SORCS3: variants seen among roughly 807,000 people sequenced by gnomAD.
SORCS3 encodes sortilin related VPS10 domain containing receptor 3.
Under a neutral mutation model 146.3 loss-of-function variants are expected in SORCS3, and 57 were observed. The observed-to-expected ratio is 0.39, with a 90% confidence interval of 0.31 to 0.49. The LOEUF is 0.49. SORCS3 is among the 20% of genes least tolerant of loss of function. The pLI is 0.92. For missense variants in SORCS3, 1,341 were observed against 1,575.5 expected, an observed-to-expected ratio of 0.85 and a Z score of 2.52; for synonymous variants, 653 against 618.5, an observed-to-expected ratio of 1.06 and a Z score of -0.83.
At chr10:104,799,570 A>C (rs1360608896) in intron 1 of SORCS3, among the ~76,000 whole-genome samples, 1 of 152,120 alleles carries the variant, frequency 6.6e-6, no homozygotes, top group Non-Finnish European at 1.5e-5. Context: ...GGGAGGGATA[A>C]CATCAGGAGA....
chr10:105,200,142 C>A, intron 15 of SORCS3, 26 bp downstream of exon 15: 1 of 1,577,926 alleles, frequency 6.3e-7, no homozygotes, highest in South Asian at 1.1e-5. Flanking sequence ...AGTTGGAGTG[C>A]TGGCTTTGAG....
chr10:105,050,427 T>C (rs2133710147), intron 5 of SORCS3, among the ~76,000 whole-genome samples: 1 of 152,204 alleles, frequency 6.6e-6, no homozygotes, highest in South Asian at 2.1e-4. Context: ...GAGAGCCCCA[T>C]GTGTCAAGGA....
chr10:105,207,304 T>TATTATTATTA (rs1564784890), intron 16 of SORCS3, among the ~76,000 whole-genome samples: 1 of 150,978 alleles, frequency 6.6e-6, no homozygotes, highest in Admixed American at 6.6e-5. Context: ...TTATTATTAT[T>TATTATTATTA]TCTAAACTGT....
intron 14 of SORCS3, 32 bp from the exon 15 acceptor site, chr10:105,199,967 T>C: frequency 1.3e-6 from 2 of 1,526,330 alleles, no homozygotes; most frequent in African/African-American, 2.7e-5. Flanking sequence ...CTTTCTCCCC[T>C]TGTGTCTCCC....
intron 1 of SORCS3, among the ~76,000 whole-genome samples, chr10:104,669,964 C>G (rs1460268269): frequency 6.6e-6 from 1 of 151,774 alleles, no homozygotes; most frequent in African/African-American, 2.4e-5. Context: ...TTTTATTTCT[C>G]TAATGATTAG....
At chr10:105,226,592 C>T (rs1434954178) in intron 20 of SORCS3, among the ~76,000 whole-genome samples, 1 of 151,910 alleles carries the variant, frequency 6.6e-6, no homozygotes, top group Non-Finnish European at 1.5e-5. Context: ...GGGAGCATTC[C>T]CTCCTCTTAA....
At chr10:104,968,788 C>T (rs1375635748) in intron 3 of SORCS3, among the ~76,000 whole-genome samples, 2 of 152,170 alleles carry the variant, frequency 1.3e-5, no homozygotes, top group Non-Finnish European at 2.9e-5. Flanking sequence ...TAGAAACATG[C>T]TATCACAGCT....
intron 1 of SORCS3, among the ~76,000 whole-genome samples, chr10:104,724,016 T>G (rs2016587419): frequency 6.6e-6 from 1 of 152,322 alleles, no homozygotes; most frequent in East Asian, 1.9e-4. Flanking sequence ...GATCCTGTCA[T>G]TATGACGTTA....
At chr10:104,842,233 C>T (rs1037114950) in intron 1 of SORCS3, among the ~76,000 whole-genome samples, 2 of 152,124 alleles carry the variant, frequency 1.3e-5, no homozygotes, top group Non-Finnish European at 2.9e-5. Context: ...GATACATGGT[C>T]GAAGGCAGAT....
At chr10:104,842,747 C>T in intron 1 of SORCS3, 45 bp from the exon 2 acceptor site, 3 of 1,479,602 alleles carry the variant, frequency 2.0e-6, no homozygotes, top group Admixed American at 3.6e-5. Context: ...CCTTTTTTCC[C>T]TCCCTTTGTT....
chr10:104,960,540 C>G (rs2054788133), intron 3 of SORCS3, among the ~76,000 whole-genome samples: 1 of 152,082 alleles, frequency 6.6e-6, no homozygotes, highest in African/African-American at 2.4e-5. Flanking sequence ...CACCAACATG[C>G]TATGCTCAGA....
rs549498141 is a variant in SORCS3 at position 104,721,008 on chromosome 10, T to C, written c.627+79054T>C. Among the ~76,000 whole-genome samples, 430 of 152,332 alleles carry C rather than the reference T, an allele frequency of 2.8e-3. 2 individuals are homozygous for C. Among genetic ancestry groups the C allele is most frequent in the Admixed American group, 4.8e-3 (73 of 15,298 alleles). On this transcript the variant is annotated intron_variant, in intron 1 of 26. Coordinates refer to ENST00000369701, the MANE Select transcript of SORCS3 (RefSeq NM_014978.3). ...AGATCCCATTTGTCAACTTTGGCTT[T>C]TGTTGCCATGGCTTTTGGTGTTATA... is the stretch of plus-strand genomic sequence containing the variant.
intron 20 of SORCS3, among the ~76,000 whole-genome samples, chr10:105,242,331 T>G (rs2056829338): frequency 1.5e-5 from 2 of 130,568 alleles, no homozygotes; most frequent in African/African-American, 5.8e-5. Context: ...TTTATACATA[T>G]ATTTATATAT....
intron 3 of SORCS3, among the ~76,000 whole-genome samples, chr10:104,929,005 A>G (rs1210438557): frequency 1.3e-5 from 2 of 152,216 alleles, no homozygotes; most frequent in African/African-American, 4.8e-5. Flanking sequence ...TCTCCTTGGC[A>G]GGGCAGCCAG....
intron 1 of SORCS3, among the ~76,000 whole-genome samples, chr10:104,646,557 A>G (rs2015497835): frequency 6.6e-6 from 1 of 152,220 alleles, no homozygotes; most frequent in Admixed American, 6.5e-5. Flanking sequence ...TCTGTGATAG[A>G]AAGATTTGGC....
intron 8 of SORCS3, among the ~76,000 whole-genome samples, chr10:105,142,219 T>A (rs1466627853): frequency 1.3e-5 from 2 of 152,198 alleles, no homozygotes; most frequent in African/African-American, 4.8e-5. Context: ...TGTTTCTTTC[T>A]GTATGGGATT....
At chr10:104,993,414 C>G (rs547867751) in intron 4 of SORCS3, among the ~76,000 whole-genome samples, 1 of 152,270 alleles carries the variant, frequency 6.6e-6, no homozygotes, top group South Asian at 2.1e-4. Context: ...TTGAAACAGG[C>G]TTTTTAAAAT....
At chr10:104,734,402 A>T (rs2016744939) in intron 1 of SORCS3, among the ~76,000 whole-genome samples, 1 of 152,252 alleles carries the variant, frequency 6.6e-6, no homozygotes, top group Non-Finnish European at 1.5e-5. Flanking sequence ...AAGCTCAGGC[A>T]CCAAAGGCAA....
At chr10:105,057,215 C>A (rs1443200415) in intron 5 of SORCS3, among the ~76,000 whole-genome samples, 1 of 152,086 alleles carries the variant, frequency 6.6e-6, no homozygotes, top group Non-Finnish European at 1.5e-5. Context: ...CAAGTTCTTA[C>A]ACCCTTCATT....
Sources: allele counts gnomAD v4.1 joint callset (sites outside exome capture counted in the v4.1 genomes callset), GRCh38; gene constraint gnomAD v4.1.1; transcripts MANE v1.5; gene names NCBI Gene and HGNC (gene_info 2026-07-23, HGNC 2026-07-21).